Variants in CSMD3 observed in about 807,000 individuals in gnomAD.
CSMD3 encodes the protein CUB and Sushi multiple domains 3.
Under a neutral mutation model 435.2 loss-of-function variants are expected in CSMD3, and 177 were observed. That is an observed-to-expected ratio of 0.41 (90% CI 0.36 to 0.46). CSMD3 has a LOEUF of 0.46. Ranked by LOEUF, CSMD3 falls within the 20% of genes least tolerant of loss-of-function variation. The pLI, the probability that CSMD3 is intolerant of heterozygous loss-of-function variation, is 0.34. For synonymous variants in CSMD3, 1,656 were observed against 1,520.5 expected, an observed-to-expected ratio of 1.09 and a Z score of -2.07; for missense variants, 4,265 against 4,504.6, an observed-to-expected ratio of 0.95 and a Z score of 1.52.
At chr8:112,698,705 TA>T (rs1236593562) in intron 13 of CSMD3, among the ~76,000 whole-genome samples, 3 of 152,078 alleles carry the variant, frequency 2.0e-5, no homozygotes, top group Non-Finnish European at 4.4e-5. Context: ...ACACATTGAA[TA>T]AAATTTAAAT....
At chr8:112,718,947 A>G (rs918512089) in intron 13 of CSMD3, among the ~76,000 whole-genome samples, 3 of 152,144 alleles carry the variant, frequency 2.0e-5, no homozygotes, top group Non-Finnish European at 2.9e-5. Flanking sequence ...AGCTCTGTGT[A>G]AAAGATTTAA....
At chr8:112,869,382 T>C (rs2081069429) in intron 10 of CSMD3, among the ~76,000 whole-genome samples, 1 of 152,166 alleles carries the variant, frequency 6.6e-6, no homozygotes, top group Non-Finnish European at 1.5e-5. Context: ...GACCCCAAAA[T>C]AAAATTAATG....
At position 112,408,367 on chromosome 8, in the gene CSMD3, A is replaced by G. The variant is rs1832043389; in HGVS notation, c.5556T>C (p.Phe1852=). 6.2e-7 allele frequency: 1 copy of G among 1,612,142 alleles called. No homozygotes were observed. The highest frequency in any genetic ancestry group is 2.2e-5 in the East Asian group (1 of 44,752). The change falls in exon 34 of 71, where the codon TTT becomes TTC. Residue 1852 remains phenylalanine (F), a synonymous_variant. Coordinates refer to ENST00000297405, the MANE Select transcript of CSMD3 (RefSeq NM_198123.2). ...TAGCTGTTATTGGTCCAACTGAAGT[A>G]AATCGAATTGTGATCTGATTACCTG... The part of the protein sequence containing the change: ...LSSGNQITIR[F]TSVGPITAKG...
chr8:113,102,854 T>C (rs1374814649), intron 4 of CSMD3, among the ~76,000 whole-genome samples: 1 of 152,098 alleles, frequency 6.6e-6, no homozygotes, highest in Admixed American at 6.6e-5. Flanking sequence ...TTCATAGTAA[T>C]GGAACATTAA....
intron 9 of CSMD3, among the ~76,000 whole-genome samples, chr8:112,928,401 A>G (rs1293491267): frequency 1.3e-5 from 2 of 152,164 alleles, no homozygotes; most frequent in Non-Finnish European, 2.9e-5. Context: ...CTCCAAAATT[A>G]ACTGTGGTGA....
intron 38 of CSMD3, among the ~76,000 whole-genome samples, chr8:112,353,454 C>A (rs936970391): frequency 2.0e-5 from 3 of 152,110 alleles, no homozygotes; most frequent in African/African-American, 7.2e-5. Flanking sequence ...TTATGTGCTA[C>A]TTGAATTCAG....
chr8:112,229,236 A>G (rs1812861094), intron 69 of CSMD3, among the ~76,000 whole-genome samples: 1 of 152,150 alleles, frequency 6.6e-6, no homozygotes, highest in Non-Finnish European at 1.5e-5. Flanking sequence ...ATTCTGGAGG[A>G]TATACAACAT....
At chr8:113,180,780 G>A (rs1480445) in intron 3 of CSMD3, among the ~76,000 whole-genome samples, 16,867 of 151,906 alleles carry the variant, frequency 0.11, 1,522 homozygotes, top group African/African-American at 0.25. Context: ...ATGTGATTTT[G>A]TATGAGTCAA....
At chr8:113,367,958 G>A (rs868463968) in intron 1 of CSMD3, among the ~76,000 whole-genome samples, 1 of 151,816 alleles carries the variant, frequency 6.6e-6, no homozygotes, top group African/African-American at 2.4e-5. Flanking sequence ...CTATTTCCAC[G>A]AATGAAGTGG....
chr8:113,223,056 T>C (rs566740741), intron 3 of CSMD3, among the ~76,000 whole-genome samples: 1 of 150,858 alleles, frequency 6.6e-6, no homozygotes, highest in South Asian at 2.1e-4. Flanking sequence ...GTATTAAATA[T>C]TATTTATTTA....
chr8:112,356,853 C>T (rs1466283241), intron 38 of CSMD3, among the ~76,000 whole-genome samples: 6 of 152,230 alleles, frequency 3.9e-5, no homozygotes, highest in African/African-American at 1.4e-4. Flanking sequence ...GCTTCACCAG[C>T]CCTGTGGAAC....
chr8:113,119,224 T>A (rs1240947922), intron 4 of CSMD3, among the ~76,000 whole-genome samples: 1 of 152,178 alleles, frequency 6.6e-6, no homozygotes, highest in Non-Finnish European at 1.5e-5. Context: ...TTATATAGAC[T>A]AGACAATTTG....
chr8:113,089,018 T>A (rs770873032), intron 5 of CSMD3, among the ~76,000 whole-genome samples: 7 of 152,086 alleles, frequency 4.6e-5, no homozygotes, highest in Non-Finnish European at 7.4e-5. Flanking sequence ...TGTCAGAGAA[T>A]TTCTCTTTTT....
chr8:112,602,010 C>T (rs953780607), intron 22 of CSMD3, among the ~76,000 whole-genome samples: 2 of 151,978 alleles, frequency 1.3e-5, no homozygotes, highest in African/African-American at 2.4e-5. Context: ...AAAGAGAAGC[C>T]GATGGGAGCA....
intron 2 of CSMD3, among the ~76,000 whole-genome samples, chr8:113,287,168 A>T (rs1338011335): frequency 6.6e-6 from 1 of 151,980 alleles, no homozygotes; most frequent in Non-Finnish European, 1.5e-5. Flanking sequence ...TAATGCTAAG[A>T]TATATTATAT....
At chr8:112,602,067 T>G (rs950048406) in intron 22 of CSMD3, among the ~76,000 whole-genome samples, 2 of 152,182 alleles carry the variant, frequency 1.3e-5, no homozygotes, top group Admixed American at 6.5e-5. Flanking sequence ...GTGGTCACTG[T>G]CTAACAATTT....
chr8:112,534,799 G>A (rs978625134), intron 27 of CSMD3, among the ~76,000 whole-genome samples: 4 of 151,966 alleles, frequency 2.6e-5, no homozygotes, highest in Non-Finnish European at 2.9e-5. Context: ...CTGGCAAACC[G>A]AATCCAGCAG....
intron 3 of CSMD3, among the ~76,000 whole-genome samples, chr8:113,194,221 T>G (rs535878302): frequency 4.6e-5 from 7 of 151,290 alleles, no homozygotes; most frequent in Non-Finnish European, 8.9e-5. Flanking sequence ...ACTCTGTAAT[T>G]ATAGACAAAA....
At chr8:112,540,168 A>G (rs1431666531) in intron 27 of CSMD3, among the ~76,000 whole-genome samples, 1 of 152,084 alleles carries the variant, frequency 6.6e-6, no homozygotes, top group East Asian at 1.9e-4. Context: ...AATGGCTACC[A>G]GGTAAATGAA....
Sources: gnomAD v4.1 joint callset for allele counts (sites outside exome capture counted in the v4.1 genomes callset) on GRCh38, gnomAD v4.1.1 for gene constraint, MANE v1.5 for transcripts, NCBI Gene and HGNC (gene_info 2026-07-23, HGNC 2026-07-21) for gene names.